CEP85L: variants seen among roughly 807,000 people sequenced by gnomAD.
CEP85L encodes the protein centrosomal protein 85L, also known as centrosomal protein of 85 kDa-like.
A neutral mutation model predicts 100.3 loss-of-function variants in CEP85L; 60 were observed. The ratio of observed to expected loss-of-function variants is 0.60; its 90% CI spans 0.49 to 0.74. The LOEUF is 0.74. Ranked by LOEUF, CEP85L falls within the 30% of genes least tolerant of loss-of-function variation. The probability of loss-of-function intolerance (pLI) is 0.00; values close to 1 mark genes in which losing one functional copy is unlikely to be tolerated. For synonymous variants in CEP85L, 319 were observed against 322.7 expected (o/e 0.99, Z 0.12); for missense variants, 973 against 936.2 (o/e 1.04, Z -0.51).
chr6:118,581,293 A>C (rs1780563690), intron 2 of CEP85L, among the ~76,000 whole-genome samples: 2 of 152,124 alleles, frequency 1.3e-5, no homozygotes, highest in South Asian at 4.1e-4. Context: ...TTAAGTCTGG[A>C]AGTTAACTGA....
At chr6:118,516,072 C>T (rs1042713819) in intron 4 of CEP85L, among the ~76,000 whole-genome samples, 6 of 152,198 alleles carry the variant, frequency 3.9e-5, no homozygotes, top group African/African-American at 1.4e-4. Flanking sequence ...CTGCAAATGA[C>T]ATGAACTCAT....
At chr6:118,614,016 A>G (rs1399826658) in intron 2 of CEP85L, among the ~76,000 whole-genome samples, 1 of 152,224 alleles carries the variant, frequency 6.6e-6, no homozygotes, top group Non-Finnish European at 1.5e-5. Flanking sequence ...ATATATAAAA[A>G]GAATTATATA....
At chr6:118,477,324 A>T (rs890793022) in intron 10 of CEP85L, among the ~76,000 whole-genome samples, 4 of 152,158 alleles carry the variant, frequency 2.6e-5, no homozygotes, top group Admixed American at 6.5e-5. Context: ...TACTTTTTCT[A>T]TATTCAACAA....
intron 2 of CEP85L, among the ~76,000 whole-genome samples, chr6:118,572,392 T>G (rs1779951709): frequency 6.6e-6 from 1 of 150,408 alleles, no homozygotes; most frequent in South Asian, 2.1e-4. Flanking sequence ...CGTCTCTACT[T>G]AGAAAAAAAC....
rs200337497 is a variant in CEP85L at position 118,699,836 on chromosome 6, A to G, written c.-28+10200T>C. 4.1e-4 allele frequency among the ~76,000 whole-genome samples: 62 copies of G among 152,262 alleles called. No individual in the cohort carries two copies. In the East Asian group the frequency reaches 0.011, roughly 27 times the overall value. On this transcript the variant is annotated intron_variant, in intron 1 of 13. Coordinates refer to the CEP85L transcript ENST00000368488. ...CAGCCTCCCGAGTAGCGGGGACTAC[A>G]GGCACGCACCACCACGCCCAGCTAA... is the stretch of plus-strand genomic sequence containing the variant.
chr6:118,523,833 G>A lies in CEP85L; in HGVS notation c.1108C>T (p.Leu370Phe). The A allele has an allele frequency of 6.3e-7, 1 of 1,588,816 alleles. No homozygotes were observed. ...WESMLKIKEGLLRQKEIVIDR... is the reference protein window; with the variant it reads ...WESMLKIKEGFLRQKEIVIDR... ...ATTACAATTTCTTTCTGCCTTAGAA[G>A]TCCTTCTTTTATTTTCAACATTGAT... Residue 370 changes from leucine (L) to phenylalanine (F), a missense_variant, in exon 4 of 13, where the codon CTT (leucine) becomes TTT (phenylalanine). Transcript: ENST00000368491.
At position 118,511,325 on chromosome 6, in the gene CEP85L, A is replaced by G; in HGVS notation, c.1230T>C (p.Cys410=). ...GCAAACTAGCCACATAAGAATCCTC[A>G]CAATTTACATAATGTCCTAACATGG... ...QHAMLGHYVN[C]EDSYVASLQP... Residue 410 remains cysteine, a synonymous_variant, in exon 5 of 13, where the codon TGT becomes TGC. Coordinates refer to ENST00000368491, the MANE Select transcript of CEP85L (RefSeq NM_001042475.3). 1 of 1,612,454 alleles carries G rather than the reference A, an allele frequency of 6.2e-7. No individual in the cohort carries two copies. The highest frequency in any genetic ancestry group is 8.5e-7 in the Non-Finnish European group (1 of 1,178,772).
chr6:118,517,011 C>G lies in CEP85L; in HGVS notation c.1140-5596G>C, dbSNP rs1422577063. Among the ~76,000 whole-genome samples the G allele has an allele frequency of 2.3e-5, 3 of 132,976 alleles. No homozygotes were observed. The East Asian group carries it at 6.1e-4, about 27-fold the overall frequency. 87.2% of individuals were successfully genotyped at this position (132,976 alleles called of 152,430 possible). A position where few individuals can be genotyped will look rare whatever the true frequency, so the allele number is the denominator to read the frequency against. ...CCATTCATTAAATAGGGAATCCTTT[C>G]CCCATTGCTTGTTTTCATCAGGTTT... On this transcript the variant is annotated intron_variant, in intron 4 of 12. Coordinates refer to ENST00000368491, the MANE Select transcript of CEP85L (RefSeq NM_001042475.3).
chr6:118,534,603 A>G (rs1016703784), intron 3 of CEP85L, among the ~76,000 whole-genome samples: 1 of 152,178 alleles, frequency 6.6e-6, no homozygotes, highest in Middle Eastern at 3.2e-3. Flanking sequence ...TATTATTGAC[A>G]TAAGGATAGA....
intron 2 of CEP85L, among the ~76,000 whole-genome samples, chr6:118,572,285 A>G (rs1333028615): frequency 6.6e-6 from 1 of 150,908 alleles, no homozygotes; most frequent in Non-Finnish European, 1.5e-5. Context: ...AAAAAAAAAA[A>G]AAAAAAAAAG....
At chr6:118,622,197 A>C (rs1773490663) in intron 2 of CEP85L, among the ~76,000 whole-genome samples, 1 of 152,216 alleles carries the variant, frequency 6.6e-6, no homozygotes, top group Admixed American at 6.5e-5. Context: ...CAAGGAAAGG[A>C]TCTCACTGTC....
intron 2 of CEP85L, among the ~76,000 whole-genome samples, chr6:118,621,934 A>G (rs2115278424): frequency 6.6e-6 from 1 of 152,330 alleles, no homozygotes; most frequent in East Asian, 1.9e-4. Flanking sequence ...AGGCGGAAAC[A>G]GCCTTCAAAA....
intron 5 of CEP85L, among the ~76,000 whole-genome samples, chr6:118,496,589 G>A (rs1048896753): frequency 3.3e-5 from 5 of 151,920 alleles, no homozygotes; most frequent in Non-Finnish European, 7.4e-5. Flanking sequence ...TCCTGACCTC[G>A]TGATCCACCC....
rs558322513 is a variant in CEP85L at position 118,592,164 on chromosome 6, A to G, written c.233-25848T>C. Among the ~76,000 whole-genome samples the G allele has an allele frequency of 8.5e-5, 13 of 152,286 alleles. No homozygotes were observed. In the South Asian group the frequency reaches 1.5e-3, roughly 17 times the overall value. ...AGTGTTACCTATATTATCCTACACT[A>G]TATCTCTCAGGGCTTTTCTCCCTTT... is the stretch of plus-strand genomic sequence containing the variant. On this transcript the variant is annotated intron_variant, in intron 2 of 12. Transcript: ENST00000368491.
At chr6:118,501,963 G>A in intron 5 of CEP85L, 1 of 883,036 alleles carries the variant, frequency 1.1e-6, no homozygotes. Flanking sequence ...ACTGCATCAT[G>A]AAGGAATCTG....
At chr6:118,581,505 G>A (rs1179027158) in intron 2 of CEP85L, among the ~76,000 whole-genome samples, 1 of 151,930 alleles carries the variant, frequency 6.6e-6, no homozygotes, top group Non-Finnish European at 1.5e-5. Context: ...GGGACTACTT[G>A]GGTAAGTGTG....
intron 5 of CEP85L, among the ~76,000 whole-genome samples, chr6:118,504,570 TG>T (rs1212271035): frequency 6.6e-6 from 1 of 152,224 alleles, no homozygotes; most frequent in Non-Finnish European, 1.5e-5. Context: ...TCAATCTGGC[TG>T]TTCATCTGTA....
intron 3 of CEP85L, among the ~76,000 whole-genome samples, chr6:118,533,430 T>A (rs1394539877): frequency 6.6e-6 from 1 of 152,028 alleles, no homozygotes; most frequent in African/African-American, 2.4e-5. Context: ...ATAATCTGAA[T>A]GTCCTATAAA....
rs1182196675 is a variant in CEP85L at position 118,461,076 on chromosome 6, T to C, written c.*4329A>G. 1 of 151,898 alleles carries C rather than the reference T, an allele frequency of 6.6e-6. No individual in the cohort carries two copies. The highest frequency in any genetic ancestry group is 1.9e-4 in the East Asian group (1 of 5,174). The allele number at this position is 151,898 out of a possible 1,614,324, so 9.4% of individuals were successfully genotyped here. A position where few individuals can be genotyped will look rare whatever the true frequency, so the allele number is the denominator to read the frequency against. On this transcript the variant is annotated 3_prime_UTR_variant, in exon 13 of 13. Coordinates refer to ENST00000368491, the MANE Select transcript of CEP85L (RefSeq NM_001042475.3). ...TCAATTAAGTCATGAACACTGTATTTACACATGAGGTATTCTGGGTGGTTC... is the reference window on the plus strand; with the variant it reads ...TCAATTAAGTCATGAACACTGTATTCACACATGAGGTATTCTGGGTGGTTC...
Sources: allele counts gnomAD v4.1 joint callset (sites outside exome capture counted in the v4.1 genomes callset), GRCh38; gene constraint gnomAD v4.1.1; transcripts MANE v1.5; gene names NCBI Gene and HGNC (gene_info 2026-07-23, HGNC 2026-07-21).